ABLIM1: variants seen among roughly 807,000 people sequenced by gnomAD.
ABLIM1 encodes the protein actin-binding LIM protein 1.
Under a neutral mutation model 107.0 loss-of-function variants are expected in ABLIM1, and 40 were observed. The observed-to-expected ratio is 0.37, with a 90% CI of 0.29 to 0.49. The LOEUF (loss-of-function observed/expected upper bound fraction) is 0.49, where lower values mean the gene tolerates loss of function less well. ABLIM1 is among the 20% of genes least tolerant of loss of function. The probability of loss-of-function intolerance (pLI) is 0.97; values close to 1 mark genes in which losing one functional copy is unlikely to be tolerated. For synonymous variants in ABLIM1, 357 were observed against 357.3 expected (o/e 1.00, Z 0.01); for missense variants, 857 against 1,008.5 (o/e 0.85, Z 2.04).
intron 2 of ABLIM1, among the ~76,000 whole-genome samples, chr10:114,588,301 T>C (rs2139492092): frequency 6.6e-6 from 1 of 152,120 alleles, no homozygotes; most frequent in Non-Finnish European, 1.5e-5. Context: ...GGGTAGAGCA[T>C]GAGTTCTGTC....
chr10:114,568,436 A>C lies in ABLIM1; in HGVS notation c.673+2861T>G, dbSNP rs1591283064. ...TTAAAAAGTCATAAAAGAGGAACTA[A>C]AGTCACACAGGCTAGTTTTAAAGTA... On this transcript the variant is annotated intron_variant, in intron 4 of 22. Transcript: ENST00000533213. Among the ~76,000 whole-genome samples the C allele has an allele frequency of 2.6e-5, 4 of 152,308 alleles. No homozygotes were observed. In the South Asian group the frequency reaches 6.2e-4, roughly 24 times the overall value.
At chr10:114,699,103 G>T (rs1352793482) in intron 1 of ABLIM1, among the ~76,000 whole-genome samples, 1 of 15,366 alleles carries the variant, frequency 6.5e-5, no homozygotes, top group African/African-American at 2.5e-4. Context: ...ATTTTGCTTA[G>T]CAAAAAAAAA....
intron 2 of ABLIM1, among the ~76,000 whole-genome samples, 174 bp from the exon 3 acceptor site, chr10:114,575,773 A>G (rs1386715002): frequency 3.8e-4 from 58 of 152,226 alleles, no homozygotes; most frequent in Admixed American, 3.8e-3. Flanking sequence ...TTTGGGAGCT[A>G]TGCAATATCT....
chr10:114,792,574 TC>T, the ABLIM1 span, among the ~76,000 whole-genome samples: 1 of 152,168 alleles, frequency 6.6e-6, no homozygotes, highest in Non-Finnish European at 1.5e-5. Flanking sequence ...GCTTTGTGGT[TC>T]CCCTACCTCC....
chr10:114,684,412 G>A, exon 1 of ABLIM1: 1 of 1,611,382 alleles, frequency 6.2e-7, no homozygotes, highest in Non-Finnish European at 8.5e-7. Flanking sequence ...CAGAAAGGCT[G>A]CAACACTCCT....
chr10:114,460,151 G>A (rs891020323), intron 12 of ABLIM1, among the ~76,000 whole-genome samples: 8 of 152,134 alleles, frequency 5.3e-5, no homozygotes, highest in South Asian at 2.1e-4. Context: ...ATGAAGGAGC[G>A]TTCCTGGGGA....
chr10:114,713,218 T>C (rs1357578186), intron 1 of ABLIM1, among the ~76,000 whole-genome samples: 6 of 152,174 alleles, frequency 3.9e-5, no homozygotes. Context: ...ATTGCTACTG[T>C]ATTGTCCTCT....
chr10:114,703,154 C>T (rs75973332), intron 1 of ABLIM1, among the ~76,000 whole-genome samples: 2 of 152,154 alleles, frequency 1.3e-5, no homozygotes, highest in Non-Finnish European at 2.9e-5. Flanking sequence ...AGTTTTACAG[C>T]CTTAGACATA....
rs2080873120 is a variant in ABLIM1 at position 114,684,329 on chromosome 10, C to CA, written c.24dup (p.Glu9Ter). ...ATGGTGTGATGAGGGTCCGTGAGCT[C>CA]AGTCATTTCCAAGGTCATTAACATG... is the stretch of plus-strand genomic sequence containing the variant. On this transcript the variant is annotated frameshift_variant, in exon 1 of 24. Coordinates refer to the ABLIM1 transcript ENST00000369256. LOFTEE classifies it high-confidence loss of function. 1 of 1,614,042 alleles carries CA rather than the reference C, an allele frequency of 6.2e-7. No homozygotes were observed. The highest frequency in any genetic ancestry group is 1.3e-5 in the African/African-American group (1 of 74,936).
intron 1 of ABLIM1, among the ~76,000 whole-genome samples, chr10:114,623,604 T>G (rs1422690219): frequency 6.6e-6 from 1 of 152,196 alleles, no homozygotes; most frequent in Non-Finnish European, 1.5e-5. Flanking sequence ...CTGCACAGTG[T>G]CAAAATGTGG....
At chr10:114,709,931 A>G (rs955284667) in intron 1 of ABLIM1, among the ~76,000 whole-genome samples, 1 of 152,224 alleles carries the variant, frequency 6.6e-6, no homozygotes, top group African/African-American at 2.4e-5. Flanking sequence ...AAACTTACAT[A>G]AGCCTCAGGG....
intron 16 of ABLIM1, 78 bp downstream of exon 16, chr10:114,445,234 T>C: frequency 1.5e-6 from 2 of 1,326,458 alleles, no homozygotes; most frequent in South Asian, 1.2e-5. Context: ...AGATGGTTTA[T>C]ACATAGTAGT....
chr10:114,703,924 G>T (rs1208186012), intron 1 of ABLIM1, among the ~76,000 whole-genome samples: 1 of 152,100 alleles, frequency 6.6e-6, no homozygotes, highest in Non-Finnish European at 1.5e-5. Flanking sequence ...CAGCATCAAT[G>T]TAAAGGAGTG....
At chr10:114,511,653 C>A (rs2061894050) in intron 6 of ABLIM1, among the ~76,000 whole-genome samples, 1 of 152,084 alleles carries the variant, frequency 6.6e-6, no homozygotes, top group South Asian at 2.1e-4. Context: ...GCGTGAGCCA[C>A]CACACCTGGC....
At chr10:114,643,579 C>A (rs1025117804) in intron 1 of ABLIM1, among the ~76,000 whole-genome samples, 1 of 136,748 alleles carries the variant, frequency 7.3e-6, no homozygotes, top group Non-Finnish European at 1.6e-5. Flanking sequence ...TATCCAGATT[C>A]TTTTTTTTTT....
chr10:114,726,815 G>A (rs2081970826), intron 1 of ABLIM1, among the ~76,000 whole-genome samples: 1 of 151,974 alleles, frequency 6.6e-6, no homozygotes, highest in Non-Finnish European at 1.5e-5. Context: ...GCACCCAGGG[G>A]ATGGCGCTAA....
At chr10:114,601,049 TAC>T (rs59709817) in intron 2 of ABLIM1, among the ~76,000 whole-genome samples, 1,447 of 128,406 alleles carry the variant, frequency 0.011, 11 homozygotes, top group Middle Eastern at 0.016. Flanking sequence ...CACATCTCAA[TAC>T]ACACACACAC....
chr10:114,702,525 CTTTTT>C (rs11374796), intron 1 of ABLIM1, among the ~76,000 whole-genome samples: 2 of 129,582 alleles, frequency 1.5e-5, no homozygotes, highest in East Asian at 2.1e-4. Flanking sequence ...AGTAAGAACA[CTTTTT>C]TTTTTTTTTT....
At chr10:114,783,988 AG>A in the ABLIM1 span, among the ~76,000 whole-genome samples, 1 of 152,098 alleles carries the variant, frequency 6.6e-6, no homozygotes, top group Non-Finnish European at 1.5e-5. Context: ...CAATGGGGAC[AG>A]AAGCCAGATT....
Sources: allele counts gnomAD v4.1 joint callset (sites outside exome capture counted in the v4.1 genomes callset), GRCh38; gene constraint gnomAD v4.1.1; transcripts MANE v1.5; gene names NCBI Gene and HGNC (gene_info 2026-07-23, HGNC 2026-07-21).